ANK2: variants seen among roughly 807,000 people sequenced by gnomAD.
ANK2 encodes the protein ankyrin 2, also known as ankyrin-2.
ANK2 carries 83 observed loss-of-function variants against 360.5 expected under a neutral mutation model. The observed-to-expected ratio is 0.23, with a 90% CI of 0.19 to 0.28. ANK2 has a LOEUF of 0.28. Ranked by LOEUF, ANK2 falls within the 10% of genes least tolerant of loss-of-function variation. ANK2 has a pLI of 1.00. For missense variants in ANK2, 4,201 were observed against 4,795.7 expected (o/e 0.88, Z 3.66); for synonymous variants, 1,740 against 1,759.5 (o/e 0.99, Z 0.28).
chr4:113,160,648 T>C (rs973031944), intron 1 of ANK2, among the ~76,000 whole-genome samples: 1 of 152,224 alleles, frequency 6.6e-6, no homozygotes, highest in Non-Finnish European at 1.5e-5. Flanking sequence ...ATCTATTCTG[T>C]GTCAGGTACT....
At chr4:113,260,877 G>C (rs2052455286) in intron 13 of ANK2, among the ~76,000 whole-genome samples, 1 of 152,210 alleles carries the variant, frequency 6.6e-6, no homozygotes, top group Non-Finnish European at 1.5e-5. Flanking sequence ...CCTGCTTGCT[G>C]TGTCAGAGTT....
intron 37 of ANK2, among the ~76,000 whole-genome samples, chr4:113,351,102 C>T (rs1333555918): frequency 6.6e-6 from 1 of 152,028 alleles, no homozygotes; most frequent in Non-Finnish European, 1.5e-5. Context: ...TGTGTGGAAA[C>T]TCCAGTTGAA....
intron 2 of ANK2, among the ~76,000 whole-genome samples, chr4:112,957,287 C>G (rs2154257167): frequency 6.6e-6 from 1 of 152,062 alleles, no homozygotes; most frequent in South Asian, 2.1e-4. Flanking sequence ...TCCATTTAAC[C>G]CTGAGTGGAC....
At chr4:112,955,306 C>T (rs751604199) in intron 2 of ANK2, among the ~76,000 whole-genome samples, 5 of 151,932 alleles carry the variant, frequency 3.3e-5, no homozygotes, top group Admixed American at 1.3e-4. Flanking sequence ...ATCAAAGTAA[C>T]CTAGGCCTAA....
chr4:113,215,090 T>C (rs538946686), intron 4 of ANK2, among the ~76,000 whole-genome samples: 48 of 152,144 alleles, frequency 3.2e-4, no homozygotes, highest in Middle Eastern at 6.8e-3. Flanking sequence ...GAAACATACA[T>C]AATATAATAA....
chr4:113,310,424 CT>C (rs566178913), intron 23 of ANK2, among the ~76,000 whole-genome samples: 236 of 144,092 alleles, frequency 1.6e-3, no homozygotes, highest in Non-Finnish European at 1.7e-3. Flanking sequence ...TATAAGCAGA[CT>C]TTTTTTTTTT....
At chr4:113,311,832 GA>G (rs1390580914) in intron 24 of ANK2, among the ~76,000 whole-genome samples, 1 of 152,116 alleles carries the variant, frequency 6.6e-6, no homozygotes. Flanking sequence ...AGTATGTTGT[GA>G]GGCTGAATTA....
At chr4:112,803,777 C>T in the ANK2 span, among the ~76,000 whole-genome samples, 295 of 152,174 alleles carry the variant, frequency 1.9e-3, 1 homozygote, top group African/African-American at 6.7e-3. Flanking sequence ...ATGTCTTAAT[C>T]TCTGTATTGT....
At chr4:112,991,487 C>G (rs2046777045) in intron 2 of ANK2, among the ~76,000 whole-genome samples, 1 of 152,034 alleles carries the variant, frequency 6.6e-6, no homozygotes, top group Admixed American at 6.6e-5. Context: ...CTTCTCTATT[C>G]CTGGCTTCTG....
the ANK2 span, among the ~76,000 whole-genome samples, chr4:112,715,848 T>C: frequency 6.6e-6 from 1 of 152,072 alleles, no homozygotes; most frequent in Non-Finnish European, 1.5e-5. Flanking sequence ...TTTGCAGCTA[T>C]GGAGGTGGAG....
chr4:113,371,347 A>G (rs1473860096), intron 43 of ANK2, among the ~76,000 whole-genome samples: 1 of 152,174 alleles, frequency 6.6e-6, no homozygotes, highest in African/African-American at 2.4e-5. Flanking sequence ...TTTTATTCCA[A>G]GTTTGCTTTT....
At chr4:112,907,714 G>C (rs1281667602) in intron 2 of ANK2, among the ~76,000 whole-genome samples, 1 of 152,084 alleles carries the variant, frequency 6.6e-6, no homozygotes, top group African/African-American at 2.4e-5. Flanking sequence ...TTAACCTAAA[G>C]TATAAATTCT....
At chr4:113,093,728 T>C (rs540353124) in intron 1 of ANK2, among the ~76,000 whole-genome samples, 18 of 152,330 alleles carry the variant, frequency 1.2e-4, no homozygotes, top group Middle Eastern at 6.8e-3. Flanking sequence ...CTCTCCTCTT[T>C]ATGTCATATG....
intron 4 of ANK2, among the ~76,000 whole-genome samples, chr4:113,209,584 G>T (rs934276994): frequency 6.6e-6 from 1 of 151,996 alleles, no homozygotes; most frequent in African/African-American, 2.4e-5. Flanking sequence ...GGTGTTTATT[G>T]GCAGGGTGCC....
At chr4:113,249,929 C>A (rs2045240954) in intron 10 of ANK2, 67 bp downstream of exon 10, 1 of 1,414,038 alleles carries the variant, frequency 7.1e-7, no homozygotes, top group Non-Finnish European at 9.9e-7. Flanking sequence ...TATCTCTATT[C>A]TTTTTTAAAT....
chr4:113,047,149 C>T (rs2064772223), upstream of ANK2, among the ~76,000 whole-genome samples: 1 of 152,162 alleles, frequency 6.6e-6, no homozygotes, highest in South Asian at 2.1e-4. Flanking sequence ...ATCTCGGGAC[C>T]TTTGAACTGC....
chr4:112,950,522 T>C (rs1490090468), intron 2 of ANK2, among the ~76,000 whole-genome samples: 1 of 151,542 alleles, frequency 6.6e-6, no homozygotes, highest in East Asian at 2.0e-4. Flanking sequence ...CATGCACCTG[T>C]AGCCCCAGCT....
the ANK2 span, among the ~76,000 whole-genome samples, chr4:112,792,417 GGACCTAGT>G: frequency 6.6e-6 from 1 of 152,080 alleles, no homozygotes; most frequent in Non-Finnish European, 1.5e-5. Flanking sequence ...TATCAGAATT[GGACCTAGT>G]GACAACTAAA....
intron 1 of ANK2, among the ~76,000 whole-genome samples, chr4:113,093,324 T>C (rs115864122): frequency 1.2e-4 from 19 of 152,262 alleles, no homozygotes; most frequent in African/African-American, 4.3e-4. Context: ...CCATTATTTA[T>C]ATAAGAAGTA....
Sources: gnomAD v4.1 joint callset for allele counts (sites outside exome capture counted in the v4.1 genomes callset) on GRCh38, gnomAD v4.1.1 for gene constraint, MANE v1.5 for transcripts, NCBI Gene and HGNC (gene_info 2026-07-23, HGNC 2026-07-21) for gene names.